The following EMSY variants were observed in gnomAD, a reference collection of about 807,000 sequenced individuals.
The protein encoded by EMSY is BRCA2-interacting transcriptional repressor EMSY.
A neutral mutation model predicts 134.6 loss-of-function variants in EMSY; 26 were observed. That is an observed-to-expected ratio of 0.19 (90% CI 0.14 to 0.27). The LOEUF (loss-of-function observed/expected upper bound fraction) is 0.27. Ranked by LOEUF, EMSY falls within the 10% of genes least tolerant of loss-of-function variation. The pLI is 1.00. For missense variants in EMSY, 1,305 were observed against 1,611.4 expected, an observed-to-expected ratio of 0.81 and a Z score of 3.26; for synonymous variants, 579 against 577.8, an observed-to-expected ratio of 1.00 and a Z score of -0.03.
rs1424963276 is a variant in EMSY at position 76,454,799 on chromosome 11, A to G, written c.245+1411A>G. On this transcript the variant is annotated intron_variant, in intron 4 of 20. Coordinates refer to ENST00000334736, the Ensembl canonical transcript of EMSY. ...GAAAGACCAAGTTACAGGTATGCAA[A>G]TAGGTTATTATTATTTCAGGCTTTT... 6.9e-7 allele frequency: 1 copy of G among 1,443,130 alleles called. No homozygotes were observed. Among genetic ancestry groups the G allele is most frequent in the African/African-American group, 1.4e-5 (1 of 70,054 alleles). The allele number at this position is 1,443,130 out of a possible 1,614,324, so 89.4% of individuals were successfully genotyped here.
chr11:76,498,871 A>G (rs1306216697), intron 9 of EMSY, among the ~76,000 whole-genome samples: 1 of 152,112 alleles, frequency 6.6e-6, no homozygotes, highest in Non-Finnish European at 1.5e-5. Context: ...TCATCCTGTT[A>G]CTTTCAACCT....
intron 6 of EMSY, chr11:76,460,630 T>C (rs987718891): frequency 7.2e-5 from 11 of 152,198 alleles, no homozygotes; most frequent in African/African-American, 2.7e-4. Context: ...TTTTTCATTT[T>C]TTTGTTTTTA....
At chr11:76,487,311 A>T (rs748965203) in intron 8 of EMSY, among the ~76,000 whole-genome samples, 2 of 152,180 alleles carry the variant, frequency 1.3e-5, no homozygotes, top group Non-Finnish European at 2.9e-5. Flanking sequence ...TTACCTAAAA[A>T]CAAACACAGA....
chr11:76,528,585 C>CTTTT (rs1202039448), intron 14 of EMSY, 119 bp downstream of exon 15: 58 of 420,024 alleles, frequency 1.4e-4, no homozygotes, highest in South Asian at 4.5e-4. Flanking sequence ...AATTCTTTTC[C>CTTTT]TTTTTTTTTT....
intron 6 of EMSY, among the ~76,000 whole-genome samples, chr11:76,462,345 T>A (rs571365495): frequency 6.6e-6 from 1 of 152,360 alleles, no homozygotes; most frequent in African/African-American, 2.4e-5. Flanking sequence ...GATTATTGCT[T>A]TATGCTCAGA....
chr11:76,543,933 A>G (rs1486814023), intron 18 of EMSY, among the ~76,000 whole-genome samples: 1 of 152,208 alleles, frequency 6.6e-6, no homozygotes, highest in African/African-American at 2.4e-5. Flanking sequence ...TGAATAGGCC[A>G]GACGGCTGTT....
At chr11:76,549,865 C>CT (rs113464239) in intron 20 of EMSY, 87 bp from the exon 22 acceptor site, 204,129 of 947,472 alleles carry the variant, frequency 0.22, 54 homozygotes, top group East Asian at 0.24. Flanking sequence ...TGTCAGTTTT[C>CT]TTTTTTTTTT....
chr11:76,552,018 C>T (rs1172038904), downstream of EMSY: 1 of 152,188 alleles, frequency 6.6e-6, no homozygotes, highest in Admixed American at 6.5e-5. Context: ...GAGAATTTAG[C>T]CTTCATATGT....
intron 9 of EMSY, among the ~76,000 whole-genome samples, chr11:76,503,826 C>T (rs1370991133): frequency 6.6e-6 from 1 of 152,138 alleles, no homozygotes; most frequent in African/African-American, 2.4e-5. Flanking sequence ...GCTCTGTCAC[C>T]CAGGCTAGCG....
chr11:76,481,556 G>C (rs567085932), intron 8 of EMSY, among the ~76,000 whole-genome samples: 1 of 152,176 alleles, frequency 6.6e-6, no homozygotes, highest in Non-Finnish European at 1.5e-5. Context: ...CAAGCTTGGT[G>C]GGGGGAGGGG....
chr11:76,486,292 A>C (rs1485993342), intron 8 of EMSY, among the ~76,000 whole-genome samples: 1 of 152,124 alleles, frequency 6.6e-6, no homozygotes, highest in African/African-American at 2.4e-5. Flanking sequence ...AGGAGAAATA[A>C]CTAAGGTAGA....
chr11:76,464,277 G>A (rs530133948), intron 7 of EMSY, among the ~76,000 whole-genome samples, 197 bp downstream of exon 8: 2 of 152,308 alleles, frequency 1.3e-5, no homozygotes, highest in Non-Finnish European at 2.9e-5. Context: ...GAGGCTTTGC[G>A]ATGTTAAATG....
At chr11:76,474,113 C>G (rs1948686342) in intron 8 of EMSY, among the ~76,000 whole-genome samples, 1 of 75,118 alleles carries the variant, frequency 1.3e-5, no homozygotes, top group Admixed American at 1.7e-4. Flanking sequence ...AAGACCCTGT[C>G]TCAAAAAAAA....
intron 20 of EMSY, among the ~76,000 whole-genome samples, chr11:76,547,382 T>G (rs914364340): frequency 3.3e-5 from 5 of 152,232 alleles, no homozygotes; most frequent in African/African-American, 1.2e-4. Flanking sequence ...TAAAATAATT[T>G]GTTTCCCTTT....
chr11:76,532,317 T>A (rs146096966), intron 14 of EMSY, among the ~76,000 whole-genome samples: 7 of 152,110 alleles, frequency 4.6e-5, no homozygotes, highest in African/African-American at 1.4e-4. Context: ...AGCTGCAGCC[T>A]TATAAACTCA....
At chr11:76,508,820 C>G (rs1357801516) in intron 9 of EMSY, among the ~76,000 whole-genome samples, 1 of 152,178 alleles carries the variant, frequency 6.6e-6, no homozygotes, top group Non-Finnish European at 1.5e-5. Context: ...ATGAACCAAC[C>G]TCTGCTAGCT....
chr11:76,479,601 T>C (rs1433742887), intron 8 of EMSY, among the ~76,000 whole-genome samples: 3 of 152,188 alleles, frequency 2.0e-5, no homozygotes, highest in Non-Finnish European at 4.4e-5. Flanking sequence ...TGAGGGGTAA[T>C]AGTGACAAGG....
At chr11:76,543,705 C>T (rs1401306697) in intron 18 of EMSY, among the ~76,000 whole-genome samples, 4 of 152,130 alleles carry the variant, frequency 2.6e-5, no homozygotes, top group Non-Finnish European at 4.4e-5. Context: ...GAATGCTAGT[C>T]GAGAGGTGCT....
intron 5 of EMSY, 69 bp from the exon 7 acceptor site, chr11:76,459,864 A>C: frequency 6.4e-7 from 1 of 1,569,630 alleles, no homozygotes; most frequent in African/African-American, 1.4e-5. Context: ...CTGCAATAAA[A>C]ATAATTTTTT....
Sources: gnomAD v4.1 joint callset for allele counts (sites outside exome capture counted in the v4.1 genomes callset) on GRCh38, gnomAD v4.1.1 for gene constraint, MANE v1.5 for transcripts, NCBI Gene and HGNC (gene_info 2026-07-23, HGNC 2026-07-21) for gene names.